The following MGMT variants were observed in gnomAD, a reference collection of about 807,000 sequenced individuals.
MGMT encodes methylated-DNA--protein-cysteine methyltransferase.
In MGMT, 14 loss-of-function variants were observed where a neutral mutation model predicts 15.9. That is an observed-to-expected ratio of 0.88 (90% CI 0.58 to 1.37). The LOEUF is 1.37. MGMT is among the 40% of genes most tolerant of loss of function. The pLI, the probability that MGMT is intolerant of heterozygous loss-of-function variation, is 0.00. For missense variants in MGMT, 282 were observed against 268.1 expected (o/e 1.05, Z -0.36); for synonymous variants, 130 against 118.2 (o/e 1.10, Z -0.65).
intron 2 of MGMT, among the ~76,000 whole-genome samples, chr10:129,564,969 A>C (rs913886267): frequency 2.6e-5 from 4 of 152,074 alleles, no homozygotes; most frequent in Non-Finnish European, 5.9e-5. Context: ...GCTGTCACTC[A>C]TCTGCAGGCT....
In MGMT at chr10:129,507,241, G is replaced by A. The variant is rs1845635198; in HGVS notation, c.-12-29000G>A. ...CCAGGGTGGTGTGCGTGGTGCTGCA[G>A]TCTCTGCATTTATCCCATGTCCTTG... On this transcript the variant is annotated intron_variant, in intron 1 of 4. Transcript: ENST00000651593. Among the ~76,000 whole-genome samples the A allele has an allele frequency of 2.0e-5, 3 of 152,228 alleles. No homozygotes were observed. In the South Asian group the frequency reaches 6.2e-4, roughly 31 times the overall value.
chr10:129,533,820 C>T lies in MGMT; in HGVS notation c.-12-2421C>T, dbSNP rs550729536. ...GTGGGAGATGTCTGCAGGCGCAGGG[C>T]GGAGGCTGTGGGCCAAGATTGTGGC... On this transcript the variant is annotated intron_variant, in intron 1 of 4. Transcript: ENST00000651593. This position sits in a 1 kb window ranked among gnomAD's most constrained non-coding sequence, Gnocchi z 4.5. 2.0e-5 allele frequency among the ~76,000 whole-genome samples: 3 copies of T among 152,120 alleles called. No homozygotes were observed. The highest frequency in any genetic ancestry group is 2.9e-5 in the Non-Finnish European group (2 of 68,004).
intron 1 of MGMT, among the ~76,000 whole-genome samples, chr10:129,535,698 T>TAGTGGA (rs563068380): frequency 3.2e-4 from 49 of 152,356 alleles, no homozygotes; most frequent in African/African-American, 1.0e-3. Context: ...TCCACAGCAT[T>TAGTGGA]AGTGGAACAC....
At chr10:129,608,689 T>C (rs1846922904) in intron 2 of MGMT, among the ~76,000 whole-genome samples, 1 of 152,270 alleles carries the variant, frequency 6.6e-6, no homozygotes, top group Non-Finnish European at 1.5e-5. Flanking sequence ...CTTTATGTTA[T>C]TCCTTAAAAA....
chr10:129,573,599 T>G (rs1425699351), intron 2 of MGMT, among the ~76,000 whole-genome samples: 1 of 152,208 alleles, frequency 6.6e-6, no homozygotes, highest in Non-Finnish European at 1.5e-5. Context: ...CTCTATTTAT[T>G]TATTTGAAAT....
intron 2 of MGMT, among the ~76,000 whole-genome samples, chr10:129,601,236 C>G (rs1448348712): frequency 5.9e-5 from 9 of 152,000 alleles, no homozygotes; most frequent in Admixed American, 5.2e-4. Context: ...AAGCAGAGGT[C>G]CTTTTCAGTT....
chr10:129,674,474 C>G (rs1472256326), intron 2 of MGMT, among the ~76,000 whole-genome samples: 3 of 152,180 alleles, frequency 2.0e-5, no homozygotes, highest in Admixed American at 2.0e-4. Flanking sequence ...TTTGAGTGGA[C>G]TCTTGCTCCT....
chr10:129,613,323 G>A (rs952373443), intron 2 of MGMT, among the ~76,000 whole-genome samples: 2 of 152,196 alleles, frequency 1.3e-5, no homozygotes, highest in African/African-American at 4.8e-5. Flanking sequence ...AGCAAAGACG[G>A]GAAGCGTCCT....
chr10:129,743,989 G>A (rs1848666479), intron 3 of MGMT, among the ~76,000 whole-genome samples: 2 of 152,226 alleles, frequency 1.3e-5, no homozygotes, highest in Non-Finnish European at 2.9e-5. Context: ...ATGACCTGGT[G>A]AGGACAGAGG....
chr10:129,707,373 G>A (rs1589948986), intron 2 of MGMT, among the ~76,000 whole-genome samples: 5 of 151,834 alleles, frequency 3.3e-5, no homozygotes, highest in East Asian at 1.9e-4. Context: ...CAGACTCACC[G>A]ATGAAGGAAA....
intron 2 of MGMT, among the ~76,000 whole-genome samples, chr10:129,568,086 T>C (rs1338629951): frequency 1.3e-5 from 2 of 152,220 alleles, no homozygotes; most frequent in Non-Finnish European, 2.9e-5. Context: ...AACCAACCAT[T>C]AAAAAGTATA....
chr10:129,754,377 A>C (rs11016912), intron 3 of MGMT, among the ~76,000 whole-genome samples: 1 of 152,080 alleles, frequency 6.6e-6, no homozygotes, highest in Non-Finnish European at 1.5e-5. Flanking sequence ...GAGCAAAGAC[A>C]TTTCGCCCAC....
At chr10:129,592,037 T>C (rs937685746) in intron 2 of MGMT, among the ~76,000 whole-genome samples, 1 of 152,218 alleles carries the variant, frequency 6.6e-6, no homozygotes, top group Non-Finnish European at 1.5e-5. Context: ...GACACGGGGA[T>C]GAAGTGAAGT....
At chr10:129,599,657 A>T (rs753595066) in intron 2 of MGMT, among the ~76,000 whole-genome samples, 4 of 152,226 alleles carry the variant, frequency 2.6e-5, no homozygotes, top group Non-Finnish European at 5.9e-5. Flanking sequence ...GTCAGTGCAG[A>T]CATATGCTTG....
At chr10:129,764,966 C>T (rs1419220510) in intron 4 of MGMT, among the ~76,000 whole-genome samples, 4 of 152,142 alleles carry the variant, frequency 2.6e-5, no homozygotes, top group Non-Finnish European at 2.9e-5. Flanking sequence ...CGTTAGGCAT[C>T]TCCCATGTGC....
chr10:129,625,005 A>T (rs886575187), intron 2 of MGMT, among the ~76,000 whole-genome samples: 1 of 152,222 alleles, frequency 6.6e-6, no homozygotes, highest in African/African-American at 2.4e-5. Flanking sequence ...AGTCGTAAAA[A>T]TTTTCAAAAT....
At chr10:129,482,512 G>C (rs1373837608) in intron 1 of MGMT, among the ~76,000 whole-genome samples, 1 of 152,128 alleles carries the variant, frequency 6.6e-6, no homozygotes, top group Non-Finnish European at 1.5e-5. Context: ...GACATCTCCA[G>C]CTATGATTGG....
At chr10:129,713,420 TGGC>T (rs1339508810) in intron 3 of MGMT, among the ~76,000 whole-genome samples, 1 of 152,180 alleles carries the variant, frequency 6.6e-6, no homozygotes, top group Non-Finnish European at 1.5e-5. Context: ...TCAAGATCTG[TGGC>T]CTTCTGGAAC....
At chr10:129,637,526 C>A (rs1168714171) in intron 2 of MGMT, among the ~76,000 whole-genome samples, 1 of 152,184 alleles carries the variant, frequency 6.6e-6, no homozygotes, top group Non-Finnish European at 1.5e-5. Context: ...GGTAAGAGAT[C>A]TGCCTAGGGG....
Sources: gnomAD v4.1 joint callset for allele counts (sites outside exome capture counted in the v4.1 genomes callset) on GRCh38, gnomAD v4.1.1 for gene constraint, Gnocchi (gnomAD v3.1) non-coding constraint, MANE v1.5 for transcripts, NCBI Gene and HGNC (gene_info 2026-07-23, HGNC 2026-07-21) for gene names.